The following SGPP2 variants were observed in gnomAD, a reference collection of about 807,000 sequenced individuals.
SGPP2 encodes the protein sphingosine-1-phosphate phosphatase 2.
Under a neutral mutation model 33.9 loss-of-function variants are expected in SGPP2, and 30 were observed. The observed-to-expected ratio is 0.89, with a 90% CI of 0.66 to 1.20. The LOEUF (loss-of-function observed/expected upper bound fraction) is 1.20. Ranked by LOEUF, SGPP2 falls within the 50% of genes most tolerant of loss-of-function variation. The pLI is 0.00. For missense variants in SGPP2, 458 were observed against 532.1 expected, an observed-to-expected ratio of 0.86 and a Z score of 1.37; for synonymous variants, 233 against 225.0, an observed-to-expected ratio of 1.04 and a Z score of -0.32.
Position 222,561,534 on chromosome 2 carries a change from T to TTATA in SGPP2, c.*2650_*2653dup, listed in dbSNP as rs34056381. Reference sequence around the variant, plus strand: ...ATATATATGATATATATATATCATTTTATATATATATATATATCATATACA... The same window carrying TTATA: ...ATATATATGATATATATATATCATTTTATATATATATATATATATATCATATACA... On this transcript the variant is annotated 3_prime_UTR_variant, in exon 5 of 5. Coordinates refer to ENST00000321276, the MANE Select transcript of SGPP2 (RefSeq NM_152386.4). Among the ~76,000 whole-genome samples, 7 of 145,890 alleles carry TTATA rather than the reference T, an allele frequency of 4.8e-5. No homozygotes were observed. The highest frequency in any genetic ancestry group is 1.8e-4 in the African/African-American group (7 of 39,774).
At chr2:222,515,020 T>TAA (rs540896338) in intron 2 of SGPP2, among the ~76,000 whole-genome samples, 2 of 141,578 alleles carry the variant, frequency 1.4e-5, no homozygotes, top group Non-Finnish European at 3.1e-5. Context: ...ATTCTTTCAT[T>TAA]AAAAAAAAAA....
chr2:222,471,964 C>A (rs1697849969), intron 1 of SGPP2, among the ~76,000 whole-genome samples: 1 of 152,062 alleles, frequency 6.6e-6, no homozygotes, highest in African/African-American at 2.4e-5. Flanking sequence ...TGCTGATTTT[C>A]TGTTTTAATT....
chr2:222,537,539 T>C (rs952081817), intron 4 of SGPP2, among the ~76,000 whole-genome samples: 7 of 152,350 alleles, frequency 4.6e-5, no homozygotes, highest in Non-Finnish European at 8.8e-5. Flanking sequence ...TTTTACATTC[T>C]TGCCTGTGAG....
intron 2 of SGPP2, among the ~76,000 whole-genome samples, chr2:222,492,854 T>C (rs1296280860): frequency 6.6e-6 from 1 of 152,204 alleles, no homozygotes; most frequent in Admixed American, 6.5e-5. Context: ...AGGGGCAAAA[T>C]GCCAGCAGTC....
intron 4 of SGPP2, 75 bp from the exon 5 acceptor site, chr2:222,558,272 T>C: frequency 1.4e-6 from 2 of 1,436,452 alleles, no homozygotes; most frequent in South Asian, 1.3e-5. Context: ...AAATTAGCCA[T>C]ACTTGATTCA....
At chr2:222,486,998 GCT>G (rs1698121305) in intron 2 of SGPP2, among the ~76,000 whole-genome samples, 2 of 151,482 alleles carry the variant, frequency 1.3e-5, no homozygotes, top group Non-Finnish European at 2.9e-5. Context: ...TCCTTCCATC[GCT>G]CTCTCTGTCC....
chr2:222,542,011 C>T (rs568268514), intron 4 of SGPP2, among the ~76,000 whole-genome samples: 24 of 152,226 alleles, frequency 1.6e-4, no homozygotes, highest in East Asian at 5.8e-4. Flanking sequence ...AAAGTAAACA[C>T]GCACCTCAGT....
At chr2:222,533,429 C>T (rs976664680) in intron 4 of SGPP2, among the ~76,000 whole-genome samples, 1 of 152,126 alleles carries the variant, frequency 6.6e-6, no homozygotes, top group Admixed American at 6.5e-5. Flanking sequence ...AACCTGGGAG[C>T]CACTCCTGTA....
intron 2 of SGPP2, among the ~76,000 whole-genome samples, chr2:222,494,174 CCTT>C (rs1164462904): frequency 6.6e-6 from 1 of 152,182 alleles, no homozygotes; most frequent in Non-Finnish European, 1.5e-5. Context: ...TTGGAACACT[CCTT>C]CTATTTTATG....
At chr2:222,457,364 T>C (rs1697588557) in intron 1 of SGPP2, among the ~76,000 whole-genome samples, 1 of 152,192 alleles carries the variant, frequency 6.6e-6, no homozygotes, top group Non-Finnish European at 1.5e-5. Flanking sequence ...GTAAGGCCTA[T>C]GCATTAATAT....
Position 222,521,865 on chromosome 2 carries a change from A to G in SGPP2, c.477A>G (p.Glu159=), listed in dbSNP as rs1477424102. The change falls in exon 3 of 5, where the codon GAA becomes GAG. Residue 159 remains glutamate, a synonymous_variant. Transcript: ENST00000321276. The stretch of plus-strand genomic sequence containing the variant: ...AACTGGAAAAGAGACTGATCGCTGA[A>G]TATGGAATGCCATCCACCCACGCCA... ...VVKLEKRLIA[E]YGMPSTHAMA... is the part of the protein sequence containing the mutation. 1 of 1,611,378 alleles carries G rather than the reference A, an allele frequency of 6.2e-7. No individual in the cohort carries two copies. Among genetic ancestry groups the G allele is most frequent in the Non-Finnish European group, 8.5e-7 (1 of 1,179,014 alleles).
Position 222,476,278 on chromosome 2 carries a change from G to A in SGPP2, c.378+1552G>A, listed in dbSNP as rs1277957651. Among the ~76,000 whole-genome samples the A allele has an allele frequency of 1.3e-5, 2 of 152,144 alleles. No individual in the cohort carries two copies. The highest frequency in any genetic ancestry group is 4.8e-5 in the African/African-American group (2 of 41,428). On this transcript the variant is annotated intron_variant, in intron 2 of 4. Transcript: ENST00000321276. The surrounding 1 kb of genome is among the most constrained non-coding windows in gnomAD (Gnocchi z 4.3). Reference sequence around the variant, plus strand: ...CGAATGTTCTCAGGGGCAGGGGACAGAAATAAAGCAGCAATGTCCTGGGCC... The same window carrying A: ...CGAATGTTCTCAGGGGCAGGGGACAAAAATAAAGCAGCAATGTCCTGGGCC...
chr2:222,501,775 G>A (rs1698371280), intron 2 of SGPP2, among the ~76,000 whole-genome samples: 1 of 152,130 alleles, frequency 6.6e-6, no homozygotes, highest in African/African-American at 2.4e-5. Context: ...TAATATCTAT[G>A]CTTTTTTCAA....
At chr2:222,506,362 G>A (rs1030195905) in intron 2 of SGPP2, among the ~76,000 whole-genome samples, 1 of 152,170 alleles carries the variant, frequency 6.6e-6, no homozygotes, top group Non-Finnish European at 1.5e-5. Flanking sequence ...GCAGAAAAAA[G>A]CTATGCAATT....
At position 222,471,360 on chromosome 2, in the gene SGPP2, A is replaced by G. The variant is rs116343304; in HGVS notation, c.220-3208A>G. On this transcript the variant is annotated intron_variant, in intron 1 of 4. Coordinates refer to ENST00000321276, the MANE Select transcript of SGPP2 (RefSeq NM_152386.4). Reference sequence around the variant, plus strand: ...CCTCTTAGTGAGGTAAAAGAGAGGAATGCATACTTGATAGCCAATAGTGTC... The same window carrying G: ...CCTCTTAGTGAGGTAAAAGAGAGGAGTGCATACTTGATAGCCAATAGTGTC... Among the ~76,000 whole-genome samples, 868 of 152,300 alleles carry G rather than the reference A, an allele frequency of 5.7e-3. 9 individuals carry two copies. Among genetic ancestry groups the G allele is most frequent in the Middle Eastern group, 0.02 (6 of 294 alleles).
intron 2 of SGPP2, among the ~76,000 whole-genome samples, chr2:222,516,137 C>T (rs1376439544): frequency 1.3e-5 from 2 of 152,234 alleles, no homozygotes; most frequent in East Asian, 3.9e-4. Context: ...TATTTATCAC[C>T]CCCTAAAGTT....
At chr2:222,447,106 T>A (rs1032296742) in intron 1 of SGPP2, among the ~76,000 whole-genome samples, 4 of 152,234 alleles carry the variant, frequency 2.6e-5, no homozygotes, top group African/African-American at 9.6e-5. Flanking sequence ...TTTTGCCTGT[T>A]GGCTTGTTGC....
At chr2:222,533,931 C>A (rs1211948562) in intron 4 of SGPP2, among the ~76,000 whole-genome samples, 1 of 152,060 alleles carries the variant, frequency 6.6e-6, no homozygotes, top group East Asian at 1.9e-4. Context: ...TGTGATGGAA[C>A]CAGCCAGGTC....
chr2:222,549,788 C>T (rs1167105283), intron 4 of SGPP2, among the ~76,000 whole-genome samples: 6 of 151,626 alleles, frequency 4.0e-5, no homozygotes, highest in Non-Finnish European at 7.4e-5. Context: ...CCTTGGATGG[C>T]AAACTGAATT....
Sources: allele counts gnomAD v4.1 joint callset (sites outside exome capture counted in the v4.1 genomes callset), GRCh38; gene constraint gnomAD v4.1.1; non-coding constraint Gnocchi (gnomAD v3.1); transcripts MANE v1.5; gene names NCBI Gene and HGNC (gene_info 2026-07-23, HGNC 2026-07-21).